Variants in CSMD3 observed in about 807,000 individuals in gnomAD.
CSMD3 encodes CUB and Sushi multiple domains 3, also known as CUB and sushi domain-containing protein 3.
CSMD3 carries 177 observed loss-of-function variants against 435.2 expected under a neutral mutation model. The ratio of observed to expected loss-of-function variants is 0.41; its 90% confidence interval spans 0.36 to 0.46. CSMD3 has a LOEUF of 0.46. CSMD3 is among the 20% of genes least tolerant of loss of function. CSMD3 has a pLI of 0.34. For missense variants in CSMD3, 4,265 were observed against 4,504.6 expected (o/e 0.95, Z 1.52); for synonymous variants, 1,656 against 1,520.5 (o/e 1.09, Z -2.07).
At chr8:113,239,846 T>C (rs1422675682) in intron 3 of CSMD3, among the ~76,000 whole-genome samples, 1 of 152,150 alleles carries the variant, frequency 6.6e-6, no homozygotes, top group African/African-American at 2.4e-5. Flanking sequence ...TAAATGTTGG[T>C]AGAAATCTGG....
chr8:112,334,671 A>C (rs1395291707), intron 45 of CSMD3, among the ~76,000 whole-genome samples: 19 of 152,292 alleles, frequency 1.2e-4, no homozygotes, highest in Middle Eastern at 3.4e-3. Flanking sequence ...TGAGGATTAA[A>C]ACAAAAATAA....
chr8:113,350,019 A>C (rs751763635), intron 1 of CSMD3, among the ~76,000 whole-genome samples: 1 of 152,042 alleles, frequency 6.6e-6, no homozygotes, highest in Non-Finnish European at 1.5e-5. Context: ...GTCCGAGGCT[A>C]CCATGTCAGA....
At chr8:113,425,220 T>G (rs2094629488) in intron 1 of CSMD3, among the ~76,000 whole-genome samples, 1 of 151,488 alleles carries the variant, frequency 6.6e-6, no homozygotes, top group Admixed American at 6.6e-5. Context: ...CCCATAATAT[T>G]CACTTCAAAA....
At chr8:112,411,963 A>C (rs1811397948) in intron 32 of CSMD3, among the ~76,000 whole-genome samples, 1 of 152,112 alleles carries the variant, frequency 6.6e-6, no homozygotes, top group African/African-American at 2.4e-5. Flanking sequence ...ACTGTGGTAT[A>C]ATGCAATGGA....
At chr8:112,807,957 T>C (rs2079132682) in intron 12 of CSMD3, among the ~76,000 whole-genome samples, 1 of 152,164 alleles carries the variant, frequency 6.6e-6, no homozygotes, top group Non-Finnish European at 1.5e-5. Context: ...TGATTAATAG[T>C]GTGTCATTGA....
intron 3 of CSMD3, among the ~76,000 whole-genome samples, chr8:113,223,511 T>C (rs1179953589): frequency 1.3e-5 from 2 of 150,456 alleles, no homozygotes; most frequent in Non-Finnish European, 1.5e-5. Flanking sequence ...GAGGACATGG[T>C]TCATTGCAAT....
chr8:112,492,371 A>G, intron 31 of CSMD3, 118 bp downstream of exon 31: 1 of 800,416 alleles, frequency 1.2e-6, no homozygotes, highest in Non-Finnish European at 2.1e-6. Context: ...CTGCATTGCT[A>G]GTACGACACT....
intron 11 of CSMD3, among the ~76,000 whole-genome samples, chr8:112,852,024 A>G (rs1487089252): frequency 1.3e-5 from 2 of 152,116 alleles, no homozygotes; most frequent in African/African-American, 4.8e-5. Context: ...AGGAGCAGCA[A>G]GTCAGAAAAT....
chr8:113,092,474 T>G (rs1228954901), intron 5 of CSMD3, among the ~76,000 whole-genome samples: 1 of 152,068 alleles, frequency 6.6e-6, no homozygotes, highest in Non-Finnish European at 1.5e-5. Flanking sequence ...GGGCAATAAC[T>G]AGCTAGAATA....
At chr8:113,047,750 G>C (rs2131312910) in intron 5 of CSMD3, among the ~76,000 whole-genome samples, 1 of 152,276 alleles carries the variant, frequency 6.6e-6, no homozygotes, top group African/African-American at 2.4e-5. Context: ...GCTCCAGACA[G>C]TTGCAGAATA....
chr8:113,404,213 C>T (rs1334878010), intron 1 of CSMD3, among the ~76,000 whole-genome samples: 1 of 151,278 alleles, frequency 6.6e-6, no homozygotes, highest in Non-Finnish European at 1.5e-5. Context: ...TGAATACATA[C>T]AGTTTATTCC....
intron 1 of CSMD3, among the ~76,000 whole-genome samples, chr8:113,318,898 T>A (rs2132695444): frequency 6.6e-6 from 1 of 152,042 alleles, no homozygotes; most frequent in Non-Finnish European, 1.5e-5. Flanking sequence ...TTCCATTTTG[T>A]GTGTGAGTAT....
chr8:112,650,055 T>C, intron 19 of CSMD3, 106 bp downstream of exon 19: 2 of 874,766 alleles, frequency 2.3e-6, no homozygotes, highest in Non-Finnish European at 3.6e-6. Flanking sequence ...AAAAGAACTT[T>C]TAAAAAACCT....
intron 4 of CSMD3, among the ~76,000 whole-genome samples, chr8:113,150,987 A>T (rs2091792208): frequency 6.6e-6 from 1 of 152,002 alleles, no homozygotes; most frequent in East Asian, 1.9e-4. Flanking sequence ...ATAAAATCAT[A>T]ATCAGGGAAT....
chr8:112,526,782 A>C (rs1041361855), intron 27 of CSMD3, among the ~76,000 whole-genome samples: 1 of 151,986 alleles, frequency 6.6e-6, no homozygotes, highest in African/African-American at 2.4e-5. Context: ...TGTTTATAAC[A>C]TATGTAAAAG....
At chr8:112,449,968 C>T (rs969799856) in intron 32 of CSMD3, among the ~76,000 whole-genome samples, 6 of 152,186 alleles carry the variant, frequency 3.9e-5, no homozygotes, top group South Asian at 2.1e-4. Flanking sequence ...AGCTTATCCA[C>T]CCGCCTCAGA....
At chr8:112,452,571 T>C (rs1368508135) in intron 32 of CSMD3, among the ~76,000 whole-genome samples, 1 of 152,234 alleles carries the variant, frequency 6.6e-6, no homozygotes, top group Non-Finnish European at 1.5e-5. Flanking sequence ...TTTTCAAAGA[T>C]GTAGAAGTAC....
At chr8:113,130,406 G>T (rs1588127004) in intron 4 of CSMD3, among the ~76,000 whole-genome samples, 1 of 152,034 alleles carries the variant, frequency 6.6e-6, no homozygotes, top group Non-Finnish European at 1.5e-5. Flanking sequence ...CACCAGATCT[G>T]ATGATTTAAA....
At chr8:112,527,360 A>C (rs2131050749) in intron 27 of CSMD3, among the ~76,000 whole-genome samples, 1 of 151,924 alleles carries the variant, frequency 6.6e-6, no homozygotes, top group Non-Finnish European at 1.5e-5. Context: ...TAAAAGGGTC[A>C]AAAAAGGGTC....
Sources: gnomAD v4.1 joint callset for allele counts (sites outside exome capture counted in the v4.1 genomes callset) on GRCh38, gnomAD v4.1.1 for gene constraint, MANE v1.5 for transcripts, NCBI Gene and HGNC (gene_info 2026-07-23, HGNC 2026-07-21) for gene names.